Variants in PRKG1 observed in about 807,000 individuals in gnomAD.
PRKG1 encodes cGMP-dependent protein kinase 1.
PRKG1 carries 35 observed loss-of-function variants against 88.1 expected under a neutral mutation model. The ratio of observed to expected loss-of-function variants is 0.40; its 90% CI spans 0.30 to 0.53. PRKG1 has a LOEUF of 0.53. Ranked by LOEUF, PRKG1 falls within the 20% of genes least tolerant of loss-of-function variation. The pLI is 0.59. For missense variants in PRKG1, 540 were observed against 839.8 expected, an observed-to-expected ratio of 0.64 and a Z score of 4.41; for synonymous variants, 303 against 292.5, an observed-to-expected ratio of 1.04 and a Z score of -0.37.
intron 3 of PRKG1, among the ~76,000 whole-genome samples, chr10:51,650,685 G>A (rs1264998680): frequency 6.6e-6 from 1 of 152,188 alleles, no homozygotes; most frequent in Non-Finnish European, 1.5e-5. Context: ...GATCAAATAA[G>A]TTTGGGAATA....
chr10:51,199,116 T>A (rs1217088848), intron 2 of PRKG1, among the ~76,000 whole-genome samples: 1 of 152,238 alleles, frequency 6.6e-6, no homozygotes, highest in East Asian at 1.9e-4. Flanking sequence ...AAATGAATTG[T>A]ACATGAAACT....
chr10:51,915,587 A>G (rs1234536622), intron 5 of PRKG1, among the ~76,000 whole-genome samples: 2 of 151,744 alleles, frequency 1.3e-5, no homozygotes, highest in East Asian at 1.9e-4. Context: ...GAAGATGGGG[A>G]GGATAAAAAG....
chr10:51,874,605 T>C (rs1376237624), intron 4 of PRKG1, among the ~76,000 whole-genome samples: 1 of 152,204 alleles, frequency 6.6e-6, no homozygotes, highest in African/African-American at 2.4e-5. Context: ...GCTGGTACCT[T>C]AGCCCATTTC....
intron 5 of PRKG1, among the ~76,000 whole-genome samples, chr10:52,009,591 T>C (rs10823951): frequency 0.23 from 34,999 of 152,104 alleles, 4,672 homozygotes; most frequent in Admixed American, 0.31. Flanking sequence ...AAAATGGCCA[T>C]ACTGCCCAAA....
At chr10:51,393,187 CG>C (rs1837482375) in intron 2 of PRKG1, among the ~76,000 whole-genome samples, 1 of 147,012 alleles carries the variant, frequency 6.8e-6, no homozygotes, top group Admixed American at 6.7e-5. Flanking sequence ...GACGGGGTCG[CG>C]GGGCCGGGCA....
chr10:51,851,761 C>A (rs960686663), intron 4 of PRKG1, among the ~76,000 whole-genome samples: 8 of 152,170 alleles, frequency 5.3e-5, no homozygotes, highest in Non-Finnish European at 1.2e-4. Flanking sequence ...TATGAAGGAA[C>A]TCAGTTGAGA....
chr10:51,296,776 G>A (rs1049692111), intron 2 of PRKG1, among the ~76,000 whole-genome samples: 2 of 151,876 alleles, frequency 1.3e-5, no homozygotes, highest in Admixed American at 1.3e-4. Context: ...GCTTATTTGA[G>A]AATGTTCTTT....
At chr10:51,666,291 C>A (rs1163472901) in intron 3 of PRKG1, among the ~76,000 whole-genome samples, 1 of 152,164 alleles carries the variant, frequency 6.6e-6, no homozygotes, top group Non-Finnish European at 1.5e-5. Context: ...CCTCTCCAAC[C>A]ACAAGCCCGA....
chr10:51,163,630 C>A (rs1407741949), intron 2 of PRKG1, among the ~76,000 whole-genome samples: 3 of 152,216 alleles, frequency 2.0e-5, no homozygotes, highest in Non-Finnish European at 4.4e-5. Flanking sequence ...TCGGGGAGTT[C>A]CCTTTCCTAG....
chr10:52,239,165 C>CTGTGG (rs1347099357), intron 9 of PRKG1, among the ~76,000 whole-genome samples: 1 of 85,502 alleles, frequency 1.2e-5, no homozygotes, highest in African/African-American at 4.7e-5. Flanking sequence ...ACTCTGGGGA[C>CTGTGG]TGTGGTGGGG....
chr10:51,153,385 C>A, intron 2 of PRKG1, 55 bp downstream of exon 2: 1 of 1,476,088 alleles, frequency 6.8e-7, no homozygotes, highest in South Asian at 1.4e-5. Context: ...TTCATCTTAT[C>A]AGCTGCACAC....
chr10:51,824,790 C>T (rs1040489868), intron 4 of PRKG1, among the ~76,000 whole-genome samples: 7 of 151,924 alleles, frequency 4.6e-5, no homozygotes, highest in African/African-American at 1.5e-4. Flanking sequence ...CGTGAGTTAA[C>T]AGGGCAAGAA....
chr10:51,256,219 T>C (rs182498993), intron 2 of PRKG1, among the ~76,000 whole-genome samples: 269 of 152,272 alleles, frequency 1.8e-3, no homozygotes, highest in Middle Eastern at 6.8e-3. Context: ...TTAGAACTTT[T>C]CACAGAGGAG....
At chr10:51,341,658 G>A (rs1378825483) in intron 2 of PRKG1, among the ~76,000 whole-genome samples, 2 of 152,190 alleles carry the variant, frequency 1.3e-5, no homozygotes, top group Admixed American at 1.3e-4. Flanking sequence ...TATTTGATAG[G>A]AAGTGGTGTA....
At chr10:52,198,658 C>A (rs539303542) in intron 9 of PRKG1, among the ~76,000 whole-genome samples, 18 of 152,152 alleles carry the variant, frequency 1.2e-4, no homozygotes, top group Non-Finnish European at 2.2e-4. Flanking sequence ...TGTCACAGGG[C>A]CCAATCAAGA....
chr10:51,069,649 T>C (rs975038142), upstream of PRKG1, among the ~76,000 whole-genome samples: 4 of 152,102 alleles, frequency 2.6e-5, no homozygotes, highest in African/African-American at 9.7e-5. Flanking sequence ...AAGTAATGTA[T>C]AAGTGGGTTT....
chr10:52,279,594 T>G (rs1356842214), intron 12 of PRKG1, among the ~76,000 whole-genome samples: 1 of 152,154 alleles, frequency 6.6e-6, no homozygotes. Flanking sequence ...CACTTATGAA[T>G]TTTGTAAAAA....
At chr10:51,224,781 A>G (rs1392990970) in intron 2 of PRKG1, among the ~76,000 whole-genome samples, 2 of 152,178 alleles carry the variant, frequency 1.3e-5, no homozygotes, top group Non-Finnish European at 2.9e-5. Context: ...GCCCTATTTC[A>G]TCATCATGTT....
At chr10:51,162,147 G>A in intron 2 of PRKG1, among the ~76,000 whole-genome samples, 1 of 152,108 alleles carries the variant, frequency 6.6e-6, no homozygotes, top group East Asian at 1.9e-4. Flanking sequence ...TTTAGTAATT[G>A]TTTTGGCACA....
Sources: gnomAD v4.1 joint callset for allele counts (sites outside exome capture counted in the v4.1 genomes callset) on GRCh38, gnomAD v4.1.1 for gene constraint, MANE v1.5 for transcripts, NCBI Gene and HGNC (gene_info 2026-07-23, HGNC 2026-07-21) for gene names.